Variants in NSMCE1 observed in about 807,000 individuals in gnomAD.
NSMCE1 encodes the protein NSE1 component of SMC5/6 complex, also known as non-structural maintenance of chromosomes element 1 homolog.
Under a neutral mutation model 29.6 loss-of-function variants are expected in NSMCE1, and 18 were observed. The ratio of observed to expected loss-of-function variants is 0.61; its 90% CI spans 0.42 to 0.90. The LOEUF (loss-of-function observed/expected upper bound fraction) is 0.90. Among genes scored for constraint, NSMCE1 ranks in the 40% least tolerant of loss-of-function variants. The pLI is 0.00. For missense variants in NSMCE1, 314 were observed against 343.6 expected, an observed-to-expected ratio of 0.91 and a Z score of 0.68; for synonymous variants, 124 against 133.4, an observed-to-expected ratio of 0.93 and a Z score of 0.49.
chr16:27,244,956 G>T (rs866914500), intron 2 of NSMCE1, among the ~76,000 whole-genome samples: 1 of 152,202 alleles, frequency 6.6e-6, no homozygotes, highest in Non-Finnish European at 1.5e-5. Context: ...AACCCCAAGA[G>T]AATTCAGCCC....
chr16:27,229,989 C>T (rs1300989380), intron 5 of NSMCE1, among the ~76,000 whole-genome samples: 2 of 152,190 alleles, frequency 1.3e-5, no homozygotes, highest in Non-Finnish European at 2.9e-5. Context: ...AGGAGGGATG[C>T]CCTAGCCCTC....
chr16:27,234,255 G>A lies in NSMCE1; in HGVS notation c.269C>T (p.Ala90Val), dbSNP rs760814241. The change falls in exon 4 of 8, where the codon GCT becomes GTT. Residue 90 changes from alanine to valine, a missense_variant. Transcript: ENST00000361439. Reference sequence around the variant, plus strand: ...AGCCATTTTGGAAATTGAAGTTGTAGCAAGATTCACCTAAGAAATAAGTCA... The same window carrying A: ...AGCCATTTTGGAAATTGAAGTTGTAACAAGATTCACCTAAGAAATAAGTCA... ...GRPIYALVNL[A>V]TTSISKMATD... The A allele has an allele frequency of 3.1e-6, 5 of 1,611,778 alleles. No homozygotes were observed. Among genetic ancestry groups the A allele is most frequent in the Non-Finnish European group, 4.2e-6 (5 of 1,177,960 alleles).
At chr16:27,262,844 C>T (rs897359583) in intron 1 of NSMCE1, among the ~76,000 whole-genome samples, 12 of 151,662 alleles carry the variant, frequency 7.9e-5, no homozygotes, top group Admixed American at 2.0e-4. Flanking sequence ...AAACTATTTA[C>T]GAGAGAAAAT....
intron 2 of NSMCE1, among the ~76,000 whole-genome samples, chr16:27,248,331 C>T (rs1406119683): frequency 6.6e-6 from 1 of 151,554 alleles, no homozygotes; most frequent in Non-Finnish European, 1.5e-5. Context: ...CTCACCAATA[C>T]TTGCCTTGCA....
chr16:27,262,334 C>T (rs1472325031), intron 1 of NSMCE1, among the ~76,000 whole-genome samples: 2 of 151,954 alleles, frequency 1.3e-5, no homozygotes, highest in African/African-American at 2.4e-5. Flanking sequence ...GGAGGCATCA[C>T]GTTACCCGAC....
intron 1 of NSMCE1, among the ~76,000 whole-genome samples, chr16:27,259,037 C>T (rs1453194267): frequency 6.6e-6 from 1 of 152,180 alleles, no homozygotes; most frequent in Non-Finnish European, 1.5e-5. Flanking sequence ...GTGTGAGCCA[C>T]CACGCCCAGC....
chr16:27,226,945 C>A, intron 5 of NSMCE1, 109 bp from the exon 6 acceptor site: 1 of 727,284 alleles, frequency 1.4e-6, no homozygotes, highest in South Asian at 1.7e-5. Context: ...ACACAAGGGT[C>A]TACGCAGCTT....
chr16:27,257,414 G>C, intron 2 of NSMCE1, 21 bp downstream of exon 2: 3 of 1,595,228 alleles, frequency 1.9e-6, no homozygotes, highest in Non-Finnish European at 2.6e-6. Flanking sequence ...AGCGCCCTGG[G>C]AACAGGGAAA....
chr16:27,235,659 C>T (rs1036889538), intron 2 of NSMCE1, among the ~76,000 whole-genome samples: 1 of 152,206 alleles, frequency 6.6e-6, no homozygotes, highest in Admixed American at 6.5e-5. Context: ...CGTGAGCTCC[C>T]GCCGCACAAA....
At chr16:27,247,333 C>T (rs1402618975) in intron 2 of NSMCE1, among the ~76,000 whole-genome samples, 1 of 152,170 alleles carries the variant, frequency 6.6e-6, no homozygotes, top group Non-Finnish European at 1.5e-5. Context: ...TTCCTGCCTG[C>T]CACCATGTGA....
At chr16:27,226,619 A>C (rs576988126) in intron 6 of NSMCE1, 101 bp downstream of exon 6, 37 of 750,814 alleles carry the variant, frequency 4.9e-5, no homozygotes, top group African/African-American at 4.6e-4. Context: ...CCAGCAGTGC[A>C]GGAGGGCTGG....
chr16:27,226,897 T>G, intron 5 of NSMCE1, 61 bp from the exon 6 acceptor site: 1 of 1,028,908 alleles, frequency 9.7e-7, no homozygotes, highest in East Asian at 2.4e-5. Context: ...TCACCACCTC[T>G]CTTCCCTCTG....
intron 2 of NSMCE1, among the ~76,000 whole-genome samples, chr16:27,248,503 C>T (rs577022857): frequency 1.3e-5 from 2 of 151,216 alleles, no homozygotes; most frequent in African/African-American, 4.9e-5. Context: ...CTCCGCCTCC[C>T]GGGTTCAAGC....
At chr16:27,257,329 C>A (rs2084098002) in intron 2 of NSMCE1, 106 bp downstream of exon 2, 11 of 880,500 alleles carry the variant, frequency 1.2e-5, no homozygotes, top group African/African-American at 1.7e-5. Context: ...CTTGAATGCT[C>A]AGCTCAGGAG....
In NSMCE1 at chr16:27,234,377, G is replaced by A. The variant is rs553125267; in HGVS notation, c.259-112C>T. 7.5e-5 allele frequency: 58 copies of A among 771,368 alleles called. No individual in the cohort carries two copies. In the South Asian group the frequency reaches 8.0e-4, roughly 11 times the overall value. 47.8% of individuals were successfully genotyped at this position (771,368 alleles called of 1,614,324 possible). On this transcript the variant is annotated intron_variant, in intron 3 of 7. Coordinates refer to ENST00000361439, the MANE Select transcript of NSMCE1 (RefSeq NM_145080.4). ...ATCTCTGGCCAGTCACTGAGCTCCT[G>A]TATCCAGGCACTGCGGGCCGCAGGG...
intron 5 of NSMCE1, 112 bp from the exon 6 acceptor site, chr16:27,226,948 C>T (rs1008812579): frequency 4.0e-5 from 29 of 717,324 alleles, no homozygotes; most frequent in Non-Finnish European, 6.3e-5. Context: ...CAAGGGTCTA[C>T]GCAGCTTTTC....
chr16:27,240,778 A>T (rs188968059), intron 2 of NSMCE1, among the ~76,000 whole-genome samples: 33 of 152,296 alleles, frequency 2.2e-4, no homozygotes, highest in African/African-American at 7.7e-4. Flanking sequence ...TTTCTTTTAA[A>T]ATTAAATTTT....
chr16:27,263,690 C>G (rs1468666617), intron 1 of NSMCE1, among the ~76,000 whole-genome samples: 1 of 152,124 alleles, frequency 6.6e-6, no homozygotes, highest in African/African-American at 2.4e-5. Context: ...GCTGCCAAAC[C>G]TAAGTTTTTT....
At position 27,268,727 on chromosome 16, in the gene NSMCE1, A is replaced by C. The variant is rs2084257105; in HGVS notation, c.-33T>G. ...CCACCAGGGAGCCCAAGCGCATCCC[A>C]GGCCGCGCTAGCGGATACGGTCGCA... On this transcript the variant is annotated 5_prime_UTR_variant, in exon 1 of 8. Transcript: ENST00000361439. 6.5e-6 allele frequency: 1 copy of C among 152,754 alleles called. No homozygotes were observed. The highest frequency in any genetic ancestry group is 2.4e-5 in the African/African-American group (1 of 41,454). The allele number at this position is 152,754 out of a possible 1,614,324, so 9.5% of individuals were successfully genotyped here. A position where few individuals can be genotyped will look rare whatever the true frequency, so the allele number is the denominator to read the frequency against.
Sources: gnomAD v4.1 joint callset for allele counts (sites outside exome capture counted in the v4.1 genomes callset) on GRCh38, gnomAD v4.1.1 for gene constraint, MANE v1.5 for transcripts, NCBI Gene and HGNC (gene_info 2026-07-23, HGNC 2026-07-21) for gene names.